Variants in DNAH7 observed in about 807,000 individuals in gnomAD.
DNAH7 encodes axonemal beta dynein heavy chain 7.
Under a neutral mutation model 444.6 loss-of-function variants are expected in DNAH7, and 397 were observed. That is an observed-to-expected ratio of 0.89 (90% confidence interval 0.82 to 0.97). The LOEUF (loss-of-function observed/expected upper bound fraction) is 0.97, where lower values mean the gene tolerates loss of function less well. DNAH7 is among the 50% of genes least tolerant of loss of function. DNAH7 has a pLI of 0.00. For missense variants in DNAH7, 4,902 were observed against 4,800.8 expected, an observed-to-expected ratio of 1.02 and a Z score of -0.62; for synonymous variants, 1,636 against 1,624.4, an observed-to-expected ratio of 1.01 and a Z score of -0.17.
At chr2:196,018,305 C>G (rs1695151102) in intron 9 of DNAH7, among the ~76,000 whole-genome samples, 1 of 152,004 alleles carries the variant, frequency 6.6e-6, no homozygotes, top group Non-Finnish European at 1.5e-5. Context: ...GAAAGAAGTT[C>G]TCATTTACTG....
chr2:196,066,564 A>T (rs1196996584), intron 1 of DNAH7, among the ~76,000 whole-genome samples: 1 of 152,210 alleles, frequency 6.6e-6, no homozygotes, highest in Non-Finnish European at 1.5e-5. Flanking sequence ...TAAACCTCTC[A>T]AAGTTTTTCA....
intron 51 of DNAH7, among the ~76,000 whole-genome samples, chr2:195,816,364 T>A (rs764234060): frequency 6.6e-6 from 1 of 152,218 alleles, no homozygotes; most frequent in East Asian, 1.9e-4. Context: ...ATTTTGCAGA[T>A]GAAAAATAAG....
At chr2:195,779,304 T>C (rs1695260341) in intron 58 of DNAH7, among the ~76,000 whole-genome samples, 1 of 152,214 alleles carries the variant, frequency 6.6e-6, no homozygotes, top group African/African-American at 2.4e-5. Flanking sequence ...AATATACATT[T>C]CTTAAAATGT....
At chr2:195,892,126 T>C (rs1203227694) in intron 30 of DNAH7, among the ~76,000 whole-genome samples, 1 of 152,218 alleles carries the variant, frequency 6.6e-6, no homozygotes, top group African/African-American at 2.4e-5. Flanking sequence ...CAAATTCTTC[T>C]GTAAAAGATA....
chr2:195,741,792 T>G (rs928532156), intron 63 of DNAH7, among the ~76,000 whole-genome samples: 2 of 152,204 alleles, frequency 1.3e-5, no homozygotes, highest in African/African-American at 4.8e-5. Context: ...TGCTGTCCAG[T>G]AGAACATTTT....
Position 195,816,785 on chromosome 2 carries a change from C to A in DNAH7, c.9604G>T (p.Gly3202Cys). The A allele has an allele frequency of 6.2e-7, 1 of 1,614,090 alleles. No individual in the cohort carries two copies. Among genetic ancestry groups the A allele is most frequent in the Non-Finnish European group, 8.5e-7 (1 of 1,179,994 alleles). ...TEKKIDTTRM[G>C]YRPIAIHSSI... ...GAATGGATGGCAATAGGACGATAGC[C>A]CATGCGGGTGGTGTCAATCTTTTTC... The change falls in exon 51 of 65, where the codon GGC becomes TGC. Residue 3202 changes from glycine (G) to cysteine (C), a missense_variant. Physicochemically the swap from Gly to Cys is radical, Grantham distance 159. Coordinates refer to ENST00000312428, the MANE Select transcript of DNAH7 (RefSeq NM_018897.3).
intron 12 of DNAH7, among the ~76,000 whole-genome samples, chr2:195,991,606 A>G (rs1467942296): frequency 6.6e-6 from 1 of 152,250 alleles, no homozygotes; most frequent in Non-Finnish European, 1.5e-5. Context: ...CTACATATCA[A>G]CTTCAATAAA....
Position 196,064,251 on chromosome 2 carries a change from G to A in DNAH7, c.15+4446C>T, listed in dbSNP as rs1366892000. On this transcript the variant is annotated intron_variant, in intron 1 of 64. Transcript: ENST00000312428. ...AATGGCGTGAACCTTGGGAGGTGGA[G>A]GATGCAGTGAGCCAAGATCGTGCCA... is the stretch of plus-strand genomic sequence containing the variant. 7.9e-5 allele frequency among the ~76,000 whole-genome samples: 12 copies of A among 151,838 alleles called. No homozygotes were observed. In the East Asian group the frequency reaches 2.3e-3, roughly 29 times the overall value.
chr2:195,901,629 A>G (rs1686714524), intron 27 of DNAH7: 1 of 152,160 alleles, frequency 6.6e-6, no homozygotes, highest in Middle Eastern at 3.2e-3. Context: ...CCTGGCTTCA[A>G]GCGAGGCTCT....
chr2:196,059,982 G>A (rs553471843), intron 1 of DNAH7, among the ~76,000 whole-genome samples: 20 of 152,270 alleles, frequency 1.3e-4, no homozygotes, highest in African/African-American at 3.9e-4. Flanking sequence ...TTGGGAGGCC[G>A]AGGTGGGCGG....
At chr2:195,828,756 T>G (rs1371092765) in intron 48 of DNAH7, among the ~76,000 whole-genome samples, 1 of 151,992 alleles carries the variant, frequency 6.6e-6, no homozygotes, top group Non-Finnish European at 1.5e-5. Context: ...AGTGAGACTC[T>G]GACCTAAAAT....
intron 47 of DNAH7, among the ~76,000 whole-genome samples, chr2:195,838,279 T>C (rs1055047668): frequency 6.6e-6 from 1 of 152,252 alleles, no homozygotes; most frequent in African/African-American, 2.4e-5. Flanking sequence ...ACCTAGAGTC[T>C]CATATTCAAA....
In DNAH7 at chr2:196,017,292, C is replaced by T. The variant is rs191129801; in HGVS notation, c.869+1878G>A. Among the ~76,000 whole-genome samples the T allele has an allele frequency of 3.1e-3, 477 of 152,228 alleles. 3 individuals carry two copies. Among genetic ancestry groups the T allele is most frequent in the African/African-American group, 0.011 (457 of 41,530 alleles). ...CTTCCCAAAGTGCTGGAAGTACGGG[C>T]GTGAGCCACAACACTTGGCCCCAAA... On this transcript the variant is annotated intron_variant, in intron 9 of 64. Transcript: ENST00000312428.
chr2:195,942,217 G>C (rs1447821785), intron 19 of DNAH7, among the ~76,000 whole-genome samples: 3 of 152,054 alleles, frequency 2.0e-5, no homozygotes, highest in Non-Finnish European at 4.4e-5. Context: ...CTTTATAAAG[G>C]TAATATTTGA....
intron 54 of DNAH7, among the ~76,000 whole-genome samples, chr2:195,804,137 T>A (rs913765262): frequency 2.6e-5 from 4 of 152,222 alleles, no homozygotes; most frequent in African/African-American, 7.2e-5. Context: ...TTCCTGGATA[T>A]CTGTGGCTAT....
intron 27 of DNAH7, chr2:195,901,508 T>G (rs1403164800): frequency 6.6e-6 from 1 of 152,176 alleles, no homozygotes; most frequent in Non-Finnish European, 1.5e-5. Flanking sequence ...TCAATTTCAA[T>G]TACATTATAT....
chr2:196,032,651 G>A (rs1392632927), intron 5 of DNAH7, among the ~76,000 whole-genome samples: 1 of 152,218 alleles, frequency 6.6e-6, no homozygotes, highest in Non-Finnish European at 1.5e-5. Flanking sequence ...ACCAAGAAAA[G>A]TTCAAGTCCA....
At chr2:195,863,743 G>A (rs1052240927) in intron 41 of DNAH7, among the ~76,000 whole-genome samples, 2 of 152,062 alleles carry the variant, frequency 1.3e-5, no homozygotes, top group African/African-American at 4.8e-5. Flanking sequence ...TTCATACACG[G>A]TTATAGTAAC....
At chr2:195,987,220 C>A in intron 13 of DNAH7, 27 bp from the exon 14 acceptor site, 2 of 1,481,210 alleles carry the variant, frequency 1.4e-6, no homozygotes, top group East Asian at 2.4e-5. Context: ...GTTTAATCAA[C>A]ATAAGAAGAA....
Sources: gnomAD v4.1 joint callset for allele counts (sites outside exome capture counted in the v4.1 genomes callset) on GRCh38, gnomAD v4.1.1 for gene constraint, MANE v1.5 for transcripts, NCBI Gene and HGNC (gene_info 2026-07-23, HGNC 2026-07-21) for gene names.